FAT3: variants seen among roughly 807,000 people sequenced by gnomAD.
FAT3 encodes protocadherin Fat 3.
In FAT3, 95 loss-of-function variants were observed where a neutral mutation model predicts 310.2. The observed-to-expected ratio is 0.31, with a 90% confidence interval of 0.26 to 0.36. The LOEUF (loss-of-function observed/expected upper bound fraction) is 0.36, where lower values mean the gene tolerates loss of function less well. Ranked by LOEUF, FAT3 falls within the 10% of genes least tolerant of loss-of-function variation. The probability of loss-of-function intolerance (pLI) is 1.00; values close to 1 mark genes in which losing one functional copy is unlikely to be tolerated. For synonymous variants in FAT3, 2,314 were observed against 2,192.9 expected (o/e 1.06, Z -1.54); for missense variants, 5,408 against 5,715.6 (o/e 0.95, Z 1.74).
intron 1 of FAT3, among the ~76,000 whole-genome samples, chr11:92,312,748 A>G (rs1486294771): frequency 1.3e-5 from 2 of 152,174 alleles, no homozygotes; most frequent in Non-Finnish European, 2.9e-5. Context: ...CTCTTGAAGC[A>G]CCTAGATCCA....
At chr11:92,794,806 C>G (rs1015050528) in intron 9 of FAT3, among the ~76,000 whole-genome samples, 2 of 152,144 alleles carry the variant, frequency 1.3e-5, no homozygotes, top group Non-Finnish European at 2.9e-5. Flanking sequence ...CAATAAATCT[C>G]AAATGACCAG....
At chr11:92,662,251 A>G (rs1374093433) in intron 3 of FAT3, among the ~76,000 whole-genome samples, 1 of 152,222 alleles carries the variant, frequency 6.6e-6, no homozygotes, top group African/African-American at 2.4e-5. Context: ...CACAAGTAAG[A>G]TGTCAGCCAT....
chr11:92,396,588 T>A lies in FAT3; in HGVS notation c.3292+41184T>A, dbSNP rs548862941. Among the ~76,000 whole-genome samples, 4 of 152,328 alleles carry A rather than the reference T, an allele frequency of 2.6e-5. No individual in the cohort carries two copies. The South Asian group carries it at 8.3e-4, about 32-fold the overall frequency. On this transcript the variant is annotated intron_variant, in intron 2 of 27. Transcript: ENST00000525166. ...AGAACATCCAGGGACCCCGTGGAAG[T>A]GCAAGGCTGAGATGAGAAATCACAG...
intron 2 of FAT3, among the ~76,000 whole-genome samples, chr11:92,438,112 A>T (rs1382603410): frequency 6.6e-6 from 1 of 152,246 alleles, no homozygotes; most frequent in Non-Finnish European, 1.5e-5. Flanking sequence ...TGATTAAAAA[A>T]CAAGAATAAT....
chr11:92,726,743 A>G (rs552914506), intron 4 of FAT3, among the ~76,000 whole-genome samples: 33 of 151,684 alleles, frequency 2.2e-4, no homozygotes, highest in African/African-American at 7.3e-4. Flanking sequence ...AAATCATCCT[A>G]TGTCAGCTAA....
rs1555038657 is a variant in FAT3, at chr11:92,412,758, T to TATATATATATATATATACAC, written c.3292+57364_3292+57365insATATATACACATATATATAT. Among the ~76,000 whole-genome samples, 26 of 61,184 alleles carry TATATATATATATATATACAC rather than the reference T, an allele frequency of 4.2e-4. 5 individuals are homozygous for TATATATATATATATATACAC. The highest frequency in any genetic ancestry group is 6.1e-4 in the East Asian group (1 of 1,652). 40.1% of individuals were successfully genotyped at this position (61,184 alleles called of 152,430 possible). ...ATATATATATATAAATATACATACA[T>TATATATATATATATATACAC]ATATATATATTTAATGTAAGACTTT... On this transcript the variant is annotated intron_variant, in intron 2 of 27. Coordinates refer to ENST00000525166, the MANE Select transcript of FAT3 (RefSeq NM_001367949.2).
At chr11:92,736,258 C>T (rs1250667322) in intron 4 of FAT3, among the ~76,000 whole-genome samples, 1 of 152,148 alleles carries the variant, frequency 6.6e-6, no homozygotes, top group East Asian at 1.9e-4. Context: ...GGTTCAAGTT[C>T]AGGTAAGCCA....
At chr11:92,536,793 C>T (rs1323061918) in intron 3 of FAT3, among the ~76,000 whole-genome samples, 1 of 152,102 alleles carries the variant, frequency 6.6e-6, no homozygotes, top group Non-Finnish European at 1.5e-5. Flanking sequence ...GATAAGTGGA[C>T]TGTGATGGGG....
chr11:92,772,511 C>G (rs1288291194), intron 6 of FAT3, among the ~76,000 whole-genome samples: 1 of 152,028 alleles, frequency 6.6e-6, no homozygotes, highest in Admixed American at 6.6e-5. Flanking sequence ...CTAGACTCCC[C>G]CCTCTCTCCT....
chr11:92,782,300 C>T (rs778777069), intron 7 of FAT3, among the ~76,000 whole-genome samples: 9 of 151,970 alleles, frequency 5.9e-5, no homozygotes, highest in African/African-American at 1.7e-4. Context: ...GACCCTGTCT[C>T]TAAAAAAATT....
At position 92,538,198 on chromosome 11, in the gene FAT3, C is replaced by T. The variant is rs545336333; in HGVS notation, c.3607+13250C>T. Among the ~76,000 whole-genome samples, 42 of 152,186 alleles carry T rather than the reference C, an allele frequency of 2.8e-4. No individual in the cohort carries two copies. In the South Asian group the frequency reaches 7.9e-3, roughly 29 times the overall value. ...CAACAATTCTATTAAGTGTATTATT[C>T]TATTTTAGACAATTCTGCTTATCTT... On this transcript the variant is annotated intron_variant, in intron 3 of 27. Transcript: ENST00000525166.
intron 4 of FAT3, among the ~76,000 whole-genome samples, chr11:92,728,224 A>G (rs1351224883): frequency 1.3e-5 from 2 of 152,108 alleles, no homozygotes; most frequent in African/African-American, 4.8e-5. Flanking sequence ...AAATAGTTAG[A>G]ATTTGTTTTC....
At chr11:92,389,133 T>C (rs1949692608) in intron 2 of FAT3, among the ~76,000 whole-genome samples, 1 of 152,186 alleles carries the variant, frequency 6.6e-6, no homozygotes, top group South Asian at 2.1e-4. Context: ...ATGTTATTAT[T>C]AGCACCATTT....
At chr11:92,874,610 G>A (rs1226228275) in intron 22 of FAT3, among the ~76,000 whole-genome samples, 2 of 152,196 alleles carry the variant, frequency 1.3e-5, no homozygotes, top group Non-Finnish European at 2.9e-5. Context: ...CGTGATCTCG[G>A]CTCACCACAA....
intron 1 of FAT3, among the ~76,000 whole-genome samples, chr11:92,266,271 C>T (rs192824088): frequency 6.6e-6 from 1 of 152,264 alleles, no homozygotes; most frequent in East Asian, 1.9e-4. Context: ...AGTTTGAGAA[C>T]CTGGCCTCAC....
At chr11:92,697,774 C>T (rs753780421) in intron 4 of FAT3, among the ~76,000 whole-genome samples, 2 of 152,076 alleles carry the variant, frequency 1.3e-5, no homozygotes, top group African/African-American at 2.4e-5. Context: ...GGGCCACAGA[C>T]GTAAAAAGAG....
chr11:92,506,201 C>A (rs184591509), intron 2 of FAT3, among the ~76,000 whole-genome samples: 1 of 152,274 alleles, frequency 6.6e-6, no homozygotes, highest in East Asian at 1.9e-4. Context: ...GCAAACCTTT[C>A]TGTTGCAACC....
chr11:92,663,259 T>C (rs1294138838), intron 3 of FAT3, among the ~76,000 whole-genome samples: 4 of 152,022 alleles, frequency 2.6e-5, no homozygotes, highest in African/African-American at 9.7e-5. Context: ...GAAGGTTGAG[T>C]GGTTTTTCTG....
At chr11:92,304,177 G>A (rs1947066185) in intron 1 of FAT3, among the ~76,000 whole-genome samples, 1 of 152,070 alleles carries the variant, frequency 6.6e-6, no homozygotes, top group Non-Finnish European at 1.5e-5. Flanking sequence ...GCTTAGGAAG[G>A]GCTTTAGGTG....
Sources: allele counts gnomAD v4.1 joint callset (sites outside exome capture counted in the v4.1 genomes callset), GRCh38; gene constraint gnomAD v4.1.1; transcripts MANE v1.5; gene names NCBI Gene and HGNC (gene_info 2026-07-23, HGNC 2026-07-21).